MTUS2: variants seen among roughly 807,000 people sequenced by gnomAD.
The protein encoded by MTUS2 is microtubule-associated tumor suppressor candidate 2.
MTUS2 carries 40 observed loss-of-function variants against 114.1 expected under a neutral mutation model. The observed-to-expected ratio is 0.35, with a 90% CI of 0.27 to 0.46. The LOEUF is 0.46. Among genes scored for constraint, MTUS2 ranks in the 20% least tolerant of loss-of-function variants. MTUS2 has a pLI of 1.00. For missense variants in MTUS2, 1,679 were observed against 1,705.4 expected, an observed-to-expected ratio of 0.98 and a Z score of 0.27; for synonymous variants, 688 against 672.0, an observed-to-expected ratio of 1.02 and a Z score of -0.37.
At chr13:29,044,118 C>A (rs773837552) in intron 4 of MTUS2, among the ~76,000 whole-genome samples, 5 of 151,988 alleles carry the variant, frequency 3.3e-5, no homozygotes, top group Admixed American at 2.6e-4. Flanking sequence ...GCCTGAAGGA[C>A]TTCTTTTAAC....
At chr13:29,322,588 G>A (rs1003071034) in intron 6 of MTUS2, among the ~76,000 whole-genome samples, 1 of 152,192 alleles carries the variant, frequency 6.6e-6, no homozygotes, top group Non-Finnish European at 1.5e-5. Context: ...AGATTGTTGG[G>A]CAGTGACAAA....
chr13:28,821,000 A>T (rs528526240), intron 1 of MTUS2, among the ~76,000 whole-genome samples: 1 of 151,842 alleles, frequency 6.6e-6, no homozygotes, highest in African/African-American at 2.4e-5. Context: ...GCGGCTTGCT[A>T]CATCCATTTT....
At chr13:29,117,558 T>G (rs894299353) in intron 5 of MTUS2, among the ~76,000 whole-genome samples, 1 of 152,118 alleles carries the variant, frequency 6.6e-6, no homozygotes, top group Non-Finnish European at 1.5e-5. Context: ...GCATGAGTGT[T>G]TATGCATGGA....
intron 5 of MTUS2, among the ~76,000 whole-genome samples, chr13:29,134,297 G>T (rs1424552859): frequency 1.3e-5 from 2 of 152,232 alleles, no homozygotes; most frequent in Non-Finnish European, 2.9e-5. Context: ...TTGTGGTCTA[G>T]TATATGTCTA....
At chr13:29,458,720 A>G (rs1028950968) in intron 9 of MTUS2, among the ~76,000 whole-genome samples, 3 of 152,132 alleles carry the variant, frequency 2.0e-5, no homozygotes, top group Admixed American at 6.5e-5. Context: ...ATTTCCACCC[A>G]CTGCACACTC....
At chr13:29,378,120 G>A (rs1042567013) in intron 8 of MTUS2, among the ~76,000 whole-genome samples, 2 of 152,160 alleles carry the variant, frequency 1.3e-5, no homozygotes, top group South Asian at 4.1e-4. Context: ...AGAGATGGGG[G>A]AGTGTGTGCA....
intron 2 of MTUS2, among the ~76,000 whole-genome samples, chr13:29,002,139 CAGT>C (rs1885412734): frequency 6.6e-6 from 1 of 152,072 alleles, no homozygotes; most frequent in African/African-American, 2.4e-5. Flanking sequence ...TTTGTTACAG[CAGT>C]TATAGGAAAT....
intron 11 of MTUS2, among the ~76,000 whole-genome samples, chr13:29,490,722 A>T (rs1265488429): frequency 6.6e-6 from 1 of 152,260 alleles, no homozygotes; most frequent in African/African-American, 2.4e-5. Flanking sequence ...GAGGCTACCA[A>T]GGTGTCCGTG....
chr13:29,307,167 G>A, intron 6 of MTUS2: 1 of 498,170 alleles, frequency 2.0e-6, no homozygotes, highest in Non-Finnish European at 3.8e-6. Context: ...ACACCCTGAT[G>A]TTCGTGATGG....
At chr13:29,286,705 A>G (rs75815773) in intron 6 of MTUS2, among the ~76,000 whole-genome samples, 4,085 of 57,358 alleles carry the variant, frequency 0.071, 175 homozygotes, top group African/African-American at 0.23. Flanking sequence ...TATCTTACTT[A>G]TTTGAGACAG....
chr13:29,307,104 G>A, intron 6 of MTUS2: 1 of 479,422 alleles, frequency 2.1e-6, no homozygotes, highest in Non-Finnish European at 4.0e-6. Flanking sequence ...AGAAGTCTGG[G>A]GCTCACTTGC....
At chr13:29,267,439 T>C (rs534643271) in intron 5 of MTUS2, among the ~76,000 whole-genome samples, 1 of 152,328 alleles carries the variant, frequency 6.6e-6, no homozygotes, top group South Asian at 2.1e-4. Flanking sequence ...TGGACTTGTT[T>C]GTGGCCTGTT....
rs150962225 is a variant in MTUS2 at position 28,912,216 on chromosome 13, A to T, written c.-243+72366A>T. ...GTGTAAGGAAAGGTTCCAATTTCAA[A>T]TTTTTTGCATATGGCTAGCCAGTTC... On this transcript the variant is annotated intron_variant, in intron 2 of 15. Coordinates refer to ENST00000612955, the MANE Select transcript of MTUS2 (RefSeq NM_001033602.4). Among the ~76,000 whole-genome samples the T allele has an allele frequency of 1.6e-3, 248 of 152,074 alleles. 2 individuals are homozygous for T. In the South Asian group the frequency reaches 0.019, roughly 11 times the overall value.
chr13:29,011,935 A>T (rs1885861875), intron 2 of MTUS2, among the ~76,000 whole-genome samples: 1 of 152,232 alleles, frequency 6.6e-6, no homozygotes, highest in Non-Finnish European at 1.5e-5. Flanking sequence ...AAGATAAAAG[A>T]AATTCACCTT....
At chr13:29,308,301 G>A (rs1899577622) in intron 6 of MTUS2, among the ~76,000 whole-genome samples, 1 of 152,156 alleles carries the variant, frequency 6.6e-6, no homozygotes, top group Admixed American at 6.5e-5. Context: ...AGTAAGCAAT[G>A]GGGAAAGGAT....
At position 29,496,620 on chromosome 13, in the gene MTUS2, G is replaced by A. The variant is rs778854216; in HGVS notation, c.3580-618G>A. Reference sequence around the variant, plus strand: ...GAAAGAGTGCCTGACTGCAGTGTGAGGGCAAAAGAGTGGTAATTCAGAGAA... The same window carrying A: ...GAAAGAGTGCCTGACTGCAGTGTGAAGGCAAAAGAGTGGTAATTCAGAGAA... On this transcript the variant is annotated intron_variant, in intron 12 of 15. Transcript: ENST00000612955. This position sits in a 1 kb window ranked among gnomAD's most constrained non-coding sequence, Gnocchi z 4.3. Among the ~76,000 whole-genome samples the A allele has an allele frequency of 6.6e-6, 1 of 152,088 alleles. No individual in the cohort carries two copies. Among genetic ancestry groups the A allele is most frequent in the Non-Finnish European group, 1.5e-5 (1 of 68,002 alleles).
chr13:29,044,864 A>G (rs1397797314), intron 4 of MTUS2, among the ~76,000 whole-genome samples: 1 of 152,134 alleles, frequency 6.6e-6, no homozygotes. Flanking sequence ...TTTTAAAGTC[A>G]TTTAGGTTGT....
intron 2 of MTUS2, among the ~76,000 whole-genome samples, chr13:29,007,594 C>G (rs1885655474): frequency 6.6e-6 from 1 of 152,242 alleles, no homozygotes; most frequent in Admixed American, 6.5e-5. Context: ...CTCCGCCACT[C>G]CTGAGACAGC....
At chr13:28,966,514 G>A (rs935325435) in intron 2 of MTUS2, among the ~76,000 whole-genome samples, 4 of 152,072 alleles carry the variant, frequency 2.6e-5, no homozygotes, top group African/African-American at 7.2e-5. Context: ...CTTGAGCCCA[G>A]GAGTACAAGA....
Sources: allele counts gnomAD v4.1 joint callset (sites outside exome capture counted in the v4.1 genomes callset), GRCh38; gene constraint gnomAD v4.1.1; non-coding constraint Gnocchi (gnomAD v3.1); transcripts MANE v1.5; gene names NCBI Gene and HGNC (gene_info 2026-07-23, HGNC 2026-07-21).